The following RAD51B variants were observed in gnomAD, a reference collection of about 807,000 sequenced individuals.
RAD51B encodes the protein DNA repair protein RAD51 homolog 2.
A neutral mutation model predicts 42.2 loss-of-function variants in RAD51B; 38 were observed. That is an observed-to-expected ratio of 0.90 (90% CI 0.70 to 1.18). RAD51B has a LOEUF of 1.18. RAD51B is among the 50% of genes most tolerant of loss of function. The pLI, the probability that RAD51B is intolerant of heterozygous loss-of-function variation, is 0.00. For missense variants in RAD51B, 373 were observed against 400.7 expected (o/e 0.93, Z 0.59); for synonymous variants, 154 against 145.2 (o/e 1.06, Z -0.43).
intron 8 of RAD51B, among the ~76,000 whole-genome samples, chr14:68,360,896 G>A (rs1300455802): frequency 6.6e-6 from 1 of 152,184 alleles, no homozygotes; most frequent in East Asian, 1.9e-4. Flanking sequence ...CAGACTGAGG[G>A]GGTAGACAGA....
chr14:68,068,112 C>G (rs1363570225), intron 7 of RAD51B, among the ~76,000 whole-genome samples: 3 of 151,992 alleles, frequency 2.0e-5, no homozygotes, highest in Non-Finnish European at 4.4e-5. Context: ...ATTTTTAGAT[C>G]AATGAAAACT....
intron 7 of RAD51B, among the ~76,000 whole-genome samples, chr14:68,104,976 G>A (rs1005201867): frequency 6.6e-6 from 1 of 152,076 alleles, no homozygotes; most frequent in African/African-American, 2.4e-5. Context: ...GATGTAAATA[G>A]GCTGTTAAGT....
chr14:67,979,118 T>G (rs1256375357), intron 7 of RAD51B, among the ~76,000 whole-genome samples: 1 of 152,210 alleles, frequency 6.6e-6, no homozygotes, highest in African/African-American at 2.4e-5. Context: ...GATTTGGCAA[T>G]GGGAGCCCCT....
At chr14:68,072,293 T>C (rs2140469968) in intron 7 of RAD51B, among the ~76,000 whole-genome samples, 1 of 149,784 alleles carries the variant, frequency 6.7e-6, no homozygotes, top group East Asian at 1.9e-4. Context: ...ATTATATATA[T>C]ATAGGAGTTT....
intron 8 of RAD51B, among the ~76,000 whole-genome samples, chr14:68,357,578 A>G (rs1298434609): frequency 2.0e-5 from 3 of 152,092 alleles, no homozygotes; most frequent in African/African-American, 7.2e-5. Context: ...CTATAGCCTT[A>G]CAAATTGTAT....
At chr14:67,840,175 A>T (rs1399211047) in intron 4 of RAD51B, among the ~76,000 whole-genome samples, 1 of 152,188 alleles carries the variant, frequency 6.6e-6, no homozygotes, top group Non-Finnish European at 1.5e-5. Context: ...CAGGTTTGTT[A>T]CATTGGTATA....
intron 7 of RAD51B, among the ~76,000 whole-genome samples, chr14:67,895,031 T>C (rs2043365406): frequency 6.6e-6 from 1 of 152,162 alleles, no homozygotes; most frequent in South Asian, 2.1e-4. Flanking sequence ...CACTGTGGCC[T>C]CCTAAAGTTC....
At chr14:68,419,238 A>C (rs1772485998) in intron 9 of RAD51B, among the ~76,000 whole-genome samples, 1 of 152,178 alleles carries the variant, frequency 6.6e-6, no homozygotes, top group African/African-American at 2.4e-5. Context: ...AGGTAGCAGA[A>C]ATGGAACAGA....
chr14:68,337,261 A>ATT (rs113967317), intron 8 of RAD51B, among the ~76,000 whole-genome samples: 103,094 of 151,876 alleles, frequency 0.68, 35,208 homozygotes, highest in Non-Finnish European at 0.73. Flanking sequence ...CAGCTAAATA[A>ATT]TTTTTAAAAG....
intron 7 of RAD51B, among the ~76,000 whole-genome samples, chr14:68,143,006 G>A (rs532189455): frequency 9.3e-5 from 14 of 151,288 alleles, no homozygotes; most frequent in African/African-American, 2.9e-4. Context: ...AAAAAGGCGC[G>A]GAGGGCGAGG....
chr14:68,598,436 T>C (rs989100852), downstream of RAD51B, among the ~76,000 whole-genome samples: 1 of 152,236 alleles, frequency 6.6e-6, no homozygotes, highest in African/African-American at 2.4e-5. Context: ...TGTAAAATCC[T>C]TTCTGATAAA....
chr14:68,201,355 A>T (rs1376693551), intron 7 of RAD51B, among the ~76,000 whole-genome samples: 1 of 152,240 alleles, frequency 6.6e-6, no homozygotes, highest in Non-Finnish European at 1.5e-5. Flanking sequence ...AATCTTAGTG[A>T]TATTTCTGGA....
chr14:68,207,197 C>T (rs2079609258), intron 7 of RAD51B, among the ~76,000 whole-genome samples: 1 of 151,990 alleles, frequency 6.6e-6, no homozygotes, highest in Non-Finnish European at 1.5e-5. Context: ...GTGAAGTGAA[C>T]TTGGGGAAAA....
chr14:68,037,929 A>C (rs1013833582), intron 7 of RAD51B, among the ~76,000 whole-genome samples: 8 of 152,358 alleles, frequency 5.3e-5, no homozygotes, highest in African/African-American at 1.9e-4. Flanking sequence ...TATTCACACA[A>C]ACTATTCTCC....
intron 7 of RAD51B, among the ~76,000 whole-genome samples, chr14:67,938,771 G>C (rs2045050233): frequency 6.6e-6 from 1 of 152,208 alleles, no homozygotes; most frequent in South Asian, 2.1e-4. Context: ...TGCTTGCCCA[G>C]ACGGACTCCT....
chr14:68,268,141 C>A (rs1319437696), intron 7 of RAD51B, among the ~76,000 whole-genome samples: 1 of 152,180 alleles, frequency 6.6e-6, no homozygotes, highest in Non-Finnish European at 1.5e-5. Flanking sequence ...GCTAGAGAAG[C>A]CAGGTCAATT....
intron 7 of RAD51B, among the ~76,000 whole-genome samples, chr14:68,288,037 A>G (rs972314235): frequency 3.3e-5 from 5 of 152,232 alleles, no homozygotes; most frequent in Non-Finnish European, 7.3e-5. Context: ...CAAATTTAGT[A>G]CTGAGCATCA....
At chr14:68,523,102 T>G (rs1019518286) in intron 10 of RAD51B, among the ~76,000 whole-genome samples, 2 of 152,196 alleles carry the variant, frequency 1.3e-5, no homozygotes, top group Admixed American at 6.5e-5. Context: ...TGAGGAATTT[T>G]TGTGGCCTGT....
chr14:67,870,996 A>C (rs1207730008), intron 5 of RAD51B, among the ~76,000 whole-genome samples: 1 of 151,778 alleles, frequency 6.6e-6, no homozygotes, highest in East Asian at 1.9e-4. Flanking sequence ...AAAGATCCAA[A>C]ATTGACAGCC....
Sources: gnomAD v4.1 joint callset for allele counts (sites outside exome capture counted in the v4.1 genomes callset) on GRCh38, gnomAD v4.1.1 for gene constraint, MANE v1.5 for transcripts, NCBI Gene and HGNC (gene_info 2026-07-23, HGNC 2026-07-21) for gene names.